PRELID2: variants seen among roughly 807,000 people sequenced by gnomAD.
PRELID2 encodes the protein PRELI domain-containing protein 2.
A neutral mutation model predicts 28.4 loss-of-function variants in PRELID2; 25 were observed. The observed-to-expected ratio is 0.88, with a 90% CI of 0.64 to 1.23. PRELID2 has a LOEUF of 1.23. Ranked by LOEUF, PRELID2 falls within the 50% of genes most tolerant of loss-of-function variation. PRELID2 has a pLI of 0.00. For missense variants in PRELID2, 201 were observed against 214.4 expected, an observed-to-expected ratio of 0.94 and a Z score of 0.39; for synonymous variants, 76 against 71.6, an observed-to-expected ratio of 1.06 and a Z score of -0.31.
the PRELID2 span, chr5:145,229,127 C>T: frequency 5.3e-6 from 7 of 1,315,142 alleles, no homozygotes; most frequent in East Asian, 2.3e-5. Context: ...AAGTGGAAAC[C>T]GTCCAGCGGG....
At chr5:145,395,276 A>C in the PRELID2 span, among the ~76,000 whole-genome samples, 23 of 152,216 alleles carry the variant, frequency 1.5e-4, no homozygotes, top group South Asian at 1.9e-3. Context: ...GAACTCCAAA[A>C]AGGCATCCAT....
chr5:145,602,719 T>G (rs574416060), intron 1 of PRELID2, among the ~76,000 whole-genome samples: 1 of 152,094 alleles, frequency 6.6e-6, no homozygotes. Flanking sequence ...GAGAACTCAA[T>G]GGATAGGTTT....
downstream of PRELID2, among the ~76,000 whole-genome samples, chr5:145,755,146 C>T (rs1271050300): frequency 1.3e-5 from 2 of 152,298 alleles, no homozygotes; most frequent in Non-Finnish European, 1.5e-5. Context: ...ATACCAATGG[C>T]TACCAAGAGG....
intron 1 of PRELID2, among the ~76,000 whole-genome samples, chr5:145,543,872 G>GT (rs547923257): frequency 6.6e-6 from 1 of 151,944 alleles, no homozygotes; most frequent in African/African-American, 2.4e-5. Flanking sequence ...TTGTCATTGG[G>GT]TTTTTTTATG....
chr5:145,818,117 T>C, intron 3 of PRELID2, 63 bp from the exon 4 acceptor site: 20 of 1,523,086 alleles, frequency 1.3e-5, no homozygotes, highest in Non-Finnish European at 1.8e-5. Flanking sequence ...AATGACTGCA[T>C]CCAGAGTTAC....
At chr5:145,578,426 A>G (rs1240643437) in intron 1 of PRELID2, among the ~76,000 whole-genome samples, 1 of 152,126 alleles carries the variant, frequency 6.6e-6, no homozygotes, top group African/African-American at 2.4e-5. Flanking sequence ...GCATGCTCAG[A>G]TATGTCTAGC....
chr5:145,329,530 C>T, the PRELID2 span, among the ~76,000 whole-genome samples: 1 of 152,206 alleles, frequency 6.6e-6, no homozygotes, highest in East Asian at 1.9e-4. Flanking sequence ...GTATTTTATT[C>T]TCTTTACAGC....
chr5:145,511,594 A>G (rs1423605321), intron 1 of PRELID2, among the ~76,000 whole-genome samples: 1 of 152,200 alleles, frequency 6.6e-6, no homozygotes, highest in African/African-American at 2.4e-5. Context: ...TGGTTCAAAA[A>G]TGTCCAGCCA....
intron 4 of PRELID2, among the ~76,000 whole-genome samples, chr5:145,813,812 T>C (rs1754111778): frequency 6.6e-6 from 1 of 152,194 alleles, no homozygotes; most frequent in African/African-American, 2.4e-5. Context: ...TGGTCAAACC[T>C]TCTTATACAG....
At chr5:145,741,143 A>G (rs1284987651) in intron 1 of PRELID2, among the ~76,000 whole-genome samples, 6 of 117,118 alleles carry the variant, frequency 5.1e-5, no homozygotes, top group African/African-American at 2.1e-4. Context: ...TATATAATGT[A>G]TAAATATGTA....
the PRELID2 span, among the ~76,000 whole-genome samples, chr5:145,456,717 A>G: frequency 6.6e-6 from 1 of 152,212 alleles, no homozygotes; most frequent in East Asian, 1.9e-4. Flanking sequence ...CAAATTAACA[A>G]CCCTGTGAAA....
At chr5:145,443,923 G>A in the PRELID2 span, among the ~76,000 whole-genome samples, 2 of 152,072 alleles carry the variant, frequency 1.3e-5, no homozygotes, top group Admixed American at 6.6e-5. Flanking sequence ...CCTCTTAAGA[G>A]CAAATAGTCT....
At chr5:145,392,967 G>A in the PRELID2 span, among the ~76,000 whole-genome samples, 4 of 152,134 alleles carry the variant, frequency 2.6e-5, no homozygotes, top group Non-Finnish European at 5.9e-5. Context: ...CCAGCTGAGG[G>A]CTTTAATCTC....
intron 1 of PRELID2, among the ~76,000 whole-genome samples, chr5:145,742,075 C>T (rs7444172): frequency 0.82 from 102,463 of 124,476 alleles, 42,413 homozygotes; most frequent in East Asian, 0.88. Flanking sequence ...TATAATTATA[C>T]GTAATTATAT....
At chr5:145,400,951 G>A in the PRELID2 span, among the ~76,000 whole-genome samples, 7 of 152,062 alleles carry the variant, frequency 4.6e-5, no homozygotes, top group Non-Finnish European at 8.8e-5. Context: ...AGCAAAGGAT[G>A]CCTCCCAGGG....
chr5:145,725,611 T>C (rs1002865454), intron 1 of PRELID2, among the ~76,000 whole-genome samples: 3 of 152,188 alleles, frequency 2.0e-5, no homozygotes, highest in Non-Finnish European at 4.4e-5. Context: ...GAGGAGCTAA[T>C]AGAAAACTAC....
the PRELID2 span, among the ~76,000 whole-genome samples, chr5:145,351,532 G>A: frequency 1.3e-5 from 2 of 152,132 alleles, no homozygotes; most frequent in Middle Eastern, 3.4e-3. Context: ...TGGCAAATAT[G>A]GGAACTATAA....
chr5:145,832,782 AC>A (rs1755687081), intron 1 of PRELID2, among the ~76,000 whole-genome samples: 3 of 151,638 alleles, frequency 2.0e-5, no homozygotes, highest in African/African-American at 7.3e-5. Flanking sequence ...ACCACACCAC[AC>A]CACACACACC....
intron 1 of PRELID2, among the ~76,000 whole-genome samples, chr5:145,579,464 G>A (rs909645301): frequency 2.6e-5 from 4 of 152,038 alleles, no homozygotes; most frequent in Admixed American, 2.0e-4. Flanking sequence ...TTGTGTAATT[G>A]TATTTTCTGG....
Sources: allele counts gnomAD v4.1 joint callset (sites outside exome capture counted in the v4.1 genomes callset), GRCh38; gene constraint gnomAD v4.1.1; transcripts MANE v1.5; gene names NCBI Gene and HGNC (gene_info 2026-07-23, HGNC 2026-07-21).